Variants in C4BPA observed in about 807,000 individuals in gnomAD.
C4BPA encodes C4b-binding protein alpha chain.
Under a neutral mutation model 63.7 loss-of-function variants are expected in C4BPA, and 31 were observed. That is an observed-to-expected ratio of 0.49 (90% CI 0.37 to 0.66). The LOEUF (loss-of-function observed/expected upper bound fraction) is 0.66. Ranked by LOEUF, C4BPA falls within the 30% of genes least tolerant of loss-of-function variation. C4BPA has a pLI of 0.00. For synonymous variants in C4BPA, 259 were observed against 254.7 expected (o/e 1.02, Z -0.16); for missense variants, 572 against 723.3 (o/e 0.79, Z 2.40).
chr1:207,126,504 G>C (rs1401586029), intron 6 of C4BPA, among the ~76,000 whole-genome samples: 1 of 147,978 alleles, frequency 6.8e-6, no homozygotes, highest in Non-Finnish European at 1.5e-5. Flanking sequence ...GTACTGAAAG[G>C]ATTACATATA....
intron 8 of C4BPA, 44 bp from the exon 9 acceptor site, chr1:207,134,360 C>T (rs777979481): frequency 7.0e-7 from 1 of 1,433,774 alleles, no homozygotes; most frequent in Non-Finnish European, 9.7e-7. Context: ...GAAGCTTCCT[C>T]ATGGTGATTT....
chr1:207,109,951 C>T (rs1490857282), intron 1 of C4BPA, among the ~76,000 whole-genome samples: 1 of 152,222 alleles, frequency 6.6e-6, no homozygotes, highest in Admixed American at 6.5e-5. Flanking sequence ...TGATATGGCA[C>T]AGTACTACTT....
At chr1:207,106,816 C>T (rs1684571808) in intron 1 of C4BPA, among the ~76,000 whole-genome samples, 1 of 152,190 alleles carries the variant, frequency 6.6e-6, no homozygotes, top group African/African-American at 2.4e-5. Context: ...AAAGAAATCT[C>T]TGCGAAATAA....
At position 207,124,427 on chromosome 1, in the gene C4BPA, G is replaced by A. The variant is rs561746961; in HGVS notation, c.706+61G>A. ...TGCTCTCTTTTGTTTAAAAGAGAAAGAAAGGTAAATTTATTGGGGGGCAAA... is the reference window on the plus strand; with the variant it reads ...TGCTCTCTTTTGTTTAAAAGAGAAAAAAAGGTAAATTTATTGGGGGGCAAA... On this transcript the variant is annotated intron_variant, in intron 6 of 11. Transcript: ENST00000367070. 9.8e-5 allele frequency: 131 copies of A among 1,333,020 alleles called. No individual in the cohort carries two copies. The South Asian group carries it at 1.5e-3, about 15-fold the overall frequency. The allele number at this position is 1,333,020 out of a possible 1,614,324, so 82.6% of individuals were successfully genotyped here. A position where few individuals can be genotyped will look rare whatever the true frequency, so the allele number is the denominator to read the frequency against.
chr1:207,124,111 T>C, intron 5 of C4BPA, 64 bp from the exon 6 acceptor site: 3 of 1,548,764 alleles, frequency 1.9e-6, no homozygotes, highest in Non-Finnish European at 2.7e-6. Flanking sequence ...AGAATTTGCA[T>C]GAATTTTAGA....
chr1:207,114,434 G>A, intron 3 of C4BPA, 149 bp downstream of exon 3: 2 of 357,138 alleles, frequency 5.6e-6, no homozygotes, highest in Non-Finnish European at 9.7e-6. Flanking sequence ...TTTTGAAAAA[G>A]CAAAACAGAA....
In C4BPA at chr1:207,113,179, G is replaced by C; in HGVS notation, c.142+12G>C. The C allele has an allele frequency of 4.4e-6, 7 of 1,603,256 alleles. No individual in the cohort carries two copies. Among genetic ancestry groups the C allele is most frequent in the Non-Finnish European group, 6.0e-6 (7 of 1,176,422 alleles). On this transcript the variant is annotated intron_variant, in intron 2 of 11. Transcript: ENST00000367070. ...GCCTGCTGTTCTTGGTGAGTAGTGG[G>C]AAACAAGCTCAAATCAGCAACAAAC...
At chr1:207,120,423 GA>G (rs1393922720) in intron 4 of C4BPA, among the ~76,000 whole-genome samples, 1 of 152,058 alleles carries the variant, frequency 6.6e-6, no homozygotes, top group Non-Finnish European at 1.5e-5. Context: ...CTAATTTTTG[GA>G]ACTCTTGCTG....
chr1:207,144,053 C>T, intron 11 of C4BPA, 60 bp downstream of exon 11: 1 of 1,298,906 alleles, frequency 7.7e-7, no homozygotes, highest in Non-Finnish European at 1.1e-6. Flanking sequence ...GTGGCATCCC[C>T]CAGAGCTCTG....
intron 6 of C4BPA, among the ~76,000 whole-genome samples, chr1:207,125,469 C>T (rs1035105938): frequency 1.3e-5 from 2 of 152,102 alleles, no homozygotes; most frequent in African/African-American, 4.8e-5. Context: ...CCAATGTGAT[C>T]GTTTTAACAG....
rs116445806 is a variant in C4BPA, at chr1:207,130,494, T to G, written c.890-1052T>G. ...AAACATATGTCCACACACAAAAATT[T>G]TACATGAAGATTCATAGCAGCATTA... On this transcript the variant is annotated intron_variant, in intron 7 of 11. Transcript: ENST00000367070. Among the ~76,000 whole-genome samples, 450 of 152,168 alleles carry G rather than the reference T, an allele frequency of 3.0e-3. 2 individuals are homozygous for G. The highest frequency in any genetic ancestry group is 0.01 in the African/African-American group (416 of 41,502).
rs1431616642 is a variant in C4BPA at position 207,119,471 on chromosome 1, T to C, written c.428+3956T>C. ...ACATAAATCTACCACAGCTCACTCC[T>C]TGTCAAATGTGATATTTGTATACAC... On this transcript the variant is annotated intron_variant, in intron 4 of 11. Transcript: ENST00000367070. Among the ~76,000 whole-genome samples, 2 of 93,750 alleles carry C rather than the reference T, an allele frequency of 2.1e-5. 1 individual carries two copies. The highest frequency in any genetic ancestry group is 6.0e-5 in the African/African-American group (2 of 33,572). The allele number at this position is 93,750 out of a possible 152,430, so 61.5% of individuals were successfully genotyped here. A position where few individuals can be genotyped will look rare whatever the true frequency, so the allele number is the denominator to read the frequency against.
chr1:207,132,673 C>A (rs1189126979), intron 8 of C4BPA, among the ~76,000 whole-genome samples: 1 of 151,964 alleles, frequency 6.6e-6, no homozygotes, highest in Non-Finnish European at 1.5e-5. Context: ...TAAAACTTAC[C>A]GCCATTACTT....
At chr1:207,122,110 A>G (rs551643532) in intron 4 of C4BPA, among the ~76,000 whole-genome samples, 2 of 152,178 alleles carry the variant, frequency 1.3e-5, no homozygotes, top group Non-Finnish European at 2.9e-5. Flanking sequence ...TTTTTCTTAG[A>G]TCTGCATGTA....
intron 4 of C4BPA, among the ~76,000 whole-genome samples, chr1:207,120,255 C>T (rs573545813): frequency 6.6e-6 from 1 of 152,250 alleles, no homozygotes; most frequent in African/African-American, 2.4e-5. Flanking sequence ...ATACAGGATG[C>T]CCAGTTAAAT....
chr1:207,139,600 T>C (rs1047793486), intron 9 of C4BPA, among the ~76,000 whole-genome samples: 3 of 152,188 alleles, frequency 2.0e-5, no homozygotes, highest in African/African-American at 7.2e-5. Context: ...ATTCTGACTA[T>C]ACGTTCAAGG....
chr1:207,113,005 A>C lies in C4BPA; in HGVS notation c.-21A>C, dbSNP rs756470139. ...TAAATTGAGTTCTTTCAGCAGAAAA[A>C]CATCAGCGAAGCAGCAGGCCATGCA... is the stretch of plus-strand genomic sequence containing the variant. On this transcript the variant is annotated 5_prime_UTR_variant, in exon 2 of 12. Coordinates refer to ENST00000367070, the MANE Select transcript of C4BPA (RefSeq NM_000715.4). 6.4e-7 allele frequency: 1 copy of C among 1,555,188 alleles called. No individual in the cohort carries two copies. The highest frequency in any genetic ancestry group is 8.6e-7 in the Non-Finnish European group (1 of 1,159,304).
chr1:207,128,504 T>A (rs1038038985), intron 7 of C4BPA, among the ~76,000 whole-genome samples: 34 of 152,194 alleles, frequency 2.2e-4, no homozygotes, highest in African/African-American at 7.5e-4. Context: ...AAGCATATTA[T>A]GCCCCAGGGA....
intron 6 of C4BPA, among the ~76,000 whole-genome samples, chr1:207,126,289 T>C (rs2808471): frequency 0.26 from 38,325 of 147,388 alleles, 5,118 homozygotes; most frequent in African/African-American, 0.29. Flanking sequence ...AATATAAAAA[T>C]ATATAATATA....
Sources: gnomAD v4.1 joint callset for allele counts (sites outside exome capture counted in the v4.1 genomes callset) on GRCh38, gnomAD v4.1.1 for gene constraint, MANE v1.5 for transcripts, NCBI Gene and HGNC (gene_info 2026-07-23, HGNC 2026-07-21) for gene names.